KCNIP4: variants seen among roughly 807,000 people sequenced by gnomAD.
KCNIP4 encodes the protein potassium voltage-gated channel interacting protein 4, also known as Kv channel-interacting protein 4.
Under a neutral mutation model 34.0 loss-of-function variants are expected in KCNIP4, and 12 were observed. That is an observed-to-expected ratio of 0.35 (90% confidence interval 0.23 to 0.57). KCNIP4 has a LOEUF of 0.57. KCNIP4 is among the 20% of genes least tolerant of loss of function. The pLI is 0.83. For missense variants in KCNIP4, 238 were observed against 311.7 expected (o/e 0.76, Z 1.78); for synonymous variants, 124 against 102.2 (o/e 1.21, Z -1.29).
chr4:21,598,369 T>A (rs73254313), intron 1 of KCNIP4, among the ~76,000 whole-genome samples: 4,469 of 152,206 alleles, frequency 0.029, 74 homozygotes, highest in South Asian at 0.073. Flanking sequence ...TTGTAAAGCA[T>A]CAGATAGTAC....
chr4:20,934,373 T>C (rs1406340609), intron 1 of KCNIP4, among the ~76,000 whole-genome samples: 2 of 152,208 alleles, frequency 1.3e-5, no homozygotes, highest in Admixed American at 6.5e-5. Flanking sequence ...ATATCTATTA[T>C]CAATTTACTA....
intron 1 of KCNIP4, among the ~76,000 whole-genome samples, chr4:21,598,683 C>T (rs1176510421): frequency 6.6e-6 from 1 of 151,842 alleles, no homozygotes; most frequent in African/African-American, 2.4e-5. Context: ...TGCTTCCCCC[C>T]AAAAAGATCT....
chr4:21,502,900 C>T (rs555592288), intron 1 of KCNIP4, among the ~76,000 whole-genome samples: 5 of 152,060 alleles, frequency 3.3e-5, no homozygotes, highest in Non-Finnish European at 7.4e-5. Flanking sequence ...GACATTTATA[C>T]CCATAGTTTG....
intron 1 of KCNIP4, among the ~76,000 whole-genome samples, chr4:21,790,433 CAGAAT>C (rs1347850293): frequency 2.6e-5 from 4 of 152,072 alleles, no homozygotes; most frequent in African/African-American, 9.7e-5. Flanking sequence ...TCACATACAC[CAGAAT>C]AGGAGAGGAA....
At chr4:20,824,711 T>C (rs1192769198) in intron 3 of KCNIP4, among the ~76,000 whole-genome samples, 17 of 152,266 alleles carry the variant, frequency 1.1e-4, no homozygotes, top group Non-Finnish European at 2.5e-4. Flanking sequence ...ATTTATGTTT[T>C]TGAGGTCCTT....
At chr4:21,129,082 C>T (rs530337487) in intron 1 of KCNIP4, among the ~76,000 whole-genome samples, 8 of 152,242 alleles carry the variant, frequency 5.3e-5, no homozygotes, top group Admixed American at 1.3e-4. Flanking sequence ...TGAATCACGG[C>T]GGCGGTTCCC....
rs1021703044 is a variant in KCNIP4, at chr4:21,239,442, T to C, written c.62-356733A>G. Reference sequence around the variant, plus strand: ...CTACCATCAGAGTGAACAGGCAACCTACAGAATGGGAGAAAATTTTTGCAA... The same window carrying C: ...CTACCATCAGAGTGAACAGGCAACCCACAGAATGGGAGAAAATTTTTGCAA... On this transcript the variant is annotated intron_variant, in intron 1 of 8. Transcript: ENST00000382152. Among the ~76,000 whole-genome samples, 12 of 151,504 alleles carry C rather than the reference T, an allele frequency of 7.9e-5. No individual in the cohort carries two copies. The East Asian group carries it at 1.7e-3, about 22-fold the overall frequency.
intron 1 of KCNIP4, among the ~76,000 whole-genome samples, chr4:21,076,536 T>C (rs1027766791): frequency 2.0e-5 from 3 of 152,296 alleles, no homozygotes; most frequent in African/African-American, 7.2e-5. Flanking sequence ...TTAGAAAATA[T>C]GGACATATAA....
intron 1 of KCNIP4, among the ~76,000 whole-genome samples, chr4:21,134,717 A>G (rs566347974): frequency 6.6e-6 from 1 of 152,284 alleles, no homozygotes; most frequent in East Asian, 1.9e-4. Context: ...TTGTTTTCTG[A>G]AAATATACAT....
chr4:21,416,313 G>A (rs577362082), intron 1 of KCNIP4, among the ~76,000 whole-genome samples: 53 of 152,258 alleles, frequency 3.5e-4, no homozygotes, highest in Non-Finnish European at 8.8e-5. Context: ...GGATTAGGAG[G>A]CATCTTGTAA....
intron 1 of KCNIP4, among the ~76,000 whole-genome samples, chr4:21,866,972 C>T (rs954098080): frequency 1.6e-4 from 24 of 151,886 alleles, no homozygotes; most frequent in Non-Finnish European, 2.6e-4. Context: ...AGGGTTTCAC[C>T]ATGTTAGCCA....
At position 21,180,275 on chromosome 4, in the gene KCNIP4, A is replaced by T. The variant is rs112158969; in HGVS notation, c.62-297566T>A. ...TAATTCCAGATTAATAACATGAATC[A>T]AGCTTCTAGTACTAGAGTTTATGAC... On this transcript the variant is annotated intron_variant, in intron 1 of 8. Coordinates refer to ENST00000382152, the MANE Select transcript of KCNIP4 (RefSeq NM_025221.6). 6.6e-5 allele frequency among the ~76,000 whole-genome samples: 10 copies of T among 152,338 alleles called. 1 individual carries two copies. Among genetic ancestry groups the T allele is most frequent in the African/African-American group, 2.4e-4 (10 of 41,586 alleles).
chr4:21,857,609 A>T (rs1724839936), intron 1 of KCNIP4, among the ~76,000 whole-genome samples: 1 of 151,872 alleles, frequency 6.6e-6, no homozygotes, highest in African/African-American at 2.4e-5. Flanking sequence ...TCGTCAGGAC[A>T]CCCTGCCTGA....
At chr4:21,356,355 T>A (rs553238448) in intron 1 of KCNIP4, among the ~76,000 whole-genome samples, 42 of 152,180 alleles carry the variant, frequency 2.8e-4, no homozygotes, top group Admixed American at 1.8e-3. Context: ...GGTATTCAAT[T>A]AGGAAAAGAG....
intron 1 of KCNIP4, among the ~76,000 whole-genome samples, chr4:21,510,711 G>A (rs1199642451): frequency 6.6e-6 from 1 of 151,892 alleles, no homozygotes; most frequent in Non-Finnish European, 1.5e-5. Context: ...GGAACTTTAA[G>A]TAAACTAATA....
intron 5 of KCNIP4, among the ~76,000 whole-genome samples, chr4:20,741,292 T>A (rs375607515): frequency 6.6e-6 from 1 of 151,984 alleles, no homozygotes; most frequent in Admixed American, 6.6e-5. Flanking sequence ...TACGTCACAC[T>A]TATTCCAAAA....
intron 1 of KCNIP4, among the ~76,000 whole-genome samples, chr4:21,481,798 C>A (rs1222675441): frequency 1.3e-5 from 2 of 152,084 alleles, no homozygotes; most frequent in African/African-American, 2.4e-5. Flanking sequence ...CTTATGCACA[C>A]ATCTCAGATG....
At chr4:20,789,612 C>G (rs73802330) in intron 3 of KCNIP4, among the ~76,000 whole-genome samples, 4,879 of 152,132 alleles carry the variant, frequency 0.032, 227 homozygotes, top group African/African-American at 0.1. Flanking sequence ...TTGCTGCAAT[C>G]AAAGGCCTCG....
intron 1 of KCNIP4, among the ~76,000 whole-genome samples, chr4:21,594,692 A>C (rs571102925): frequency 6.6e-6 from 1 of 151,662 alleles, no homozygotes; most frequent in Non-Finnish European, 1.5e-5. Flanking sequence ...CTGCTCAGAG[A>C]TAAAGATAAT....
Sources: allele counts gnomAD v4.1 joint callset (sites outside exome capture counted in the v4.1 genomes callset), GRCh38; gene constraint gnomAD v4.1.1; transcripts MANE v1.5; gene names NCBI Gene and HGNC (gene_info 2026-07-23, HGNC 2026-07-21).